SDK1: variants seen among roughly 807,000 people sequenced by gnomAD.
SDK1 encodes sidekick cell adhesion molecule 1.
SDK1 carries 157 observed loss-of-function variants against 245.5 expected under a neutral mutation model. That is an observed-to-expected ratio of 0.64 (90% confidence interval 0.56 to 0.73). SDK1 has a LOEUF of 0.73. SDK1 is among the 30% of genes least tolerant of loss of function. The pLI is 0.00. For synonymous variants in SDK1, 1,647 were observed against 1,278.5 expected, an observed-to-expected ratio of 1.29 and a Z score of -6.15; for missense variants, 3,583 against 3,002.3, an observed-to-expected ratio of 1.19 and a Z score of -4.52.
At chr7:3,927,702 C>T (rs1779821714) in intron 5 of SDK1, among the ~76,000 whole-genome samples, 1 of 152,234 alleles carries the variant, frequency 6.6e-6, no homozygotes, top group South Asian at 2.1e-4. Flanking sequence ...TTTGCCTGAA[C>T]ATACTTTGGC....
intron 25 of SDK1, among the ~76,000 whole-genome samples, chr7:4,123,553 GC>G (rs1784201013): frequency 6.6e-6 from 1 of 152,174 alleles, no homozygotes; most frequent in Non-Finnish European, 1.5e-5. Context: ...TCTGTGACAA[GC>G]CCCCTTCCTC....
At chr7:3,525,326 G>C (rs1052872741) in intron 1 of SDK1, among the ~76,000 whole-genome samples, 18 of 152,002 alleles carry the variant, frequency 1.2e-4, no homozygotes, top group Admixed American at 4.6e-4. Flanking sequence ...TTTTCTGCCT[G>C]TTTATCAGCA....
intron 4 of SDK1, among the ~76,000 whole-genome samples, chr7:3,811,513 G>A (rs753650189): frequency 1.8e-4 from 28 of 152,222 alleles, no homozygotes; most frequent in Non-Finnish European, 3.4e-4. Flanking sequence ...AGATGCAAGA[G>A]CTCTGAGCTC....
chr7:4,176,651 A>G (rs915605245), intron 34 of SDK1, among the ~76,000 whole-genome samples: 2 of 151,898 alleles, frequency 1.3e-5, no homozygotes, highest in South Asian at 4.2e-4. Flanking sequence ...AATTCGTTAT[A>G]CCCCTCCCCA....
At chr7:3,522,512 G>A (rs1420224803) in intron 1 of SDK1, among the ~76,000 whole-genome samples, 1 of 151,674 alleles carries the variant, frequency 6.6e-6, no homozygotes, top group African/African-American at 2.4e-5. Context: ...TTGGATGCAG[G>A]GTGTTTGTCT....
At chr7:4,222,868 G>C (rs368976116) in intron 40 of SDK1, among the ~76,000 whole-genome samples, 75 of 152,240 alleles carry the variant, frequency 4.9e-4, no homozygotes, top group African/African-American at 1.7e-3. Context: ...TAATGACTTT[G>C]ATTCAAGAGC....
intron 25 of SDK1, among the ~76,000 whole-genome samples, chr7:4,118,078 T>C (rs1028813640): frequency 6.6e-6 from 1 of 152,116 alleles, no homozygotes; most frequent in African/African-American, 2.4e-5. Context: ...AAAGAAAAAG[T>C]AGATACATTA....
intron 1 of SDK1, among the ~76,000 whole-genome samples, chr7:3,420,676 C>T (rs577909116): frequency 5.3e-5 from 8 of 152,206 alleles, no homozygotes; most frequent in South Asian, 2.1e-4. Context: ...AGAAAGTAAA[C>T]GTTATCTCAT....
At chr7:3,960,897 A>G (rs574343928) in intron 8 of SDK1, among the ~76,000 whole-genome samples, 3 of 152,368 alleles carry the variant, frequency 2.0e-5, no homozygotes, top group East Asian at 1.9e-4. Context: ...TAGCGAGCTT[A>G]TATTTCAGAA....
At chr7:4,098,422 A>AT (rs1041477881) in intron 22 of SDK1, among the ~76,000 whole-genome samples, 18 of 151,848 alleles carry the variant, frequency 1.2e-4, no homozygotes, top group Admixed American at 1.2e-3. Context: ...CTCTTGTTGG[A>AT]TTTTTTTAGA....
chr7:4,237,542 G>A (rs1786247548), intron 41 of SDK1, 105 bp from the exon 42 acceptor site: 4 of 1,296,136 alleles, frequency 3.1e-6, no homozygotes, highest in Non-Finnish European at 3.3e-6. Context: ...CCTGTAACTG[G>A]GAGTTATCTA....
chr7:3,393,128 G>A (rs1048596829), intron 1 of SDK1, among the ~76,000 whole-genome samples: 7 of 151,580 alleles, frequency 4.6e-5, no homozygotes, highest in Non-Finnish European at 1.0e-4. Flanking sequence ...CTGCCACCAC[G>A]CCTGGCTAAT....
chr7:4,247,077 G>T (rs144626816), intron 44 of SDK1, among the ~76,000 whole-genome samples: 27 of 152,348 alleles, frequency 1.8e-4, no homozygotes, highest in African/African-American at 6.3e-4. Context: ...CTGGAGAGGG[G>T]TGAAAATCAC....
intron 5 of SDK1, among the ~76,000 whole-genome samples, chr7:3,832,235 C>A (rs1178705332): frequency 6.6e-6 from 1 of 152,126 alleles, no homozygotes; most frequent in Non-Finnish European, 1.5e-5. Flanking sequence ...TTTGTCTTTT[C>A]CCCAAAGAGA....
intron 5 of SDK1, among the ~76,000 whole-genome samples, chr7:3,886,567 C>G (rs1229474273): frequency 6.6e-6 from 1 of 152,206 alleles, no homozygotes; most frequent in African/African-American, 2.4e-5. Context: ...GTTCAGTGAG[C>G]TTGGTTTCTG....
intron 19 of SDK1, among the ~76,000 whole-genome samples, chr7:4,061,656 C>T (rs1173833321): frequency 6.6e-6 from 1 of 152,134 alleles, no homozygotes; most frequent in African/African-American, 2.4e-5. Flanking sequence ...GACTATAAAT[C>T]ATGCTGCTAT....
chr7:3,950,628 G>C (rs1780768964), intron 5 of SDK1, among the ~76,000 whole-genome samples: 2 of 152,146 alleles, frequency 1.3e-5, no homozygotes, highest in South Asian at 4.1e-4. Context: ...CTCACAATGG[G>C]GTTATGTTCC....
At chr7:4,085,171 T>A (rs1057263476) in intron 22 of SDK1, among the ~76,000 whole-genome samples, 6 of 152,230 alleles carry the variant, frequency 3.9e-5, no homozygotes, top group African/African-American at 1.4e-4. Context: ...AGGTTCAACC[T>A]GTGGTCTGTG....
intron 17 of SDK1, among the ~76,000 whole-genome samples, chr7:4,021,135 A>G (rs1421928051): frequency 2.0e-5 from 3 of 152,106 alleles, no homozygotes. Context: ...CCTGACCCCG[A>G]GGGTAGGGAA....
Sources: allele counts gnomAD v4.1 joint callset (sites outside exome capture counted in the v4.1 genomes callset), GRCh38; gene constraint gnomAD v4.1.1; transcripts MANE v1.5; gene names NCBI Gene and HGNC (gene_info 2026-07-23, HGNC 2026-07-21).